UGT1A4: variants seen among roughly 807,000 people sequenced by gnomAD.
The protein encoded by UGT1A4 is UDP glucuronosyltransferase family 1 member A4.
A neutral mutation model predicts 41.1 loss-of-function variants in UGT1A4; 32 were observed. The ratio of observed to expected loss-of-function variants is 0.78; its 90% CI spans 0.59 to 1.05. UGT1A4 has a LOEUF of 1.05. Ranked by LOEUF, UGT1A4 falls within the 50% of genes least tolerant of loss-of-function variation. UGT1A4 has a pLI of 0.00. For missense variants in UGT1A4, 748 were observed against 677.4 expected, an observed-to-expected ratio of 1.10 and a Z score of -1.16; for synonymous variants, 283 against 265.1, an observed-to-expected ratio of 1.07 and a Z score of -0.66.
intron 1 of UGT1A4, among the ~76,000 whole-genome samples, chr2:233,733,511 G>A (rs181008705): frequency 9.2e-5 from 14 of 152,226 alleles, no homozygotes; most frequent in Admixed American, 6.5e-4. Context: ...CCAGTTTTAG[G>A]CATGAAGGGA....
chr2:233,729,918 C>T (rs748265194), intron 1 of UGT1A4: 1 of 1,613,918 alleles, frequency 6.2e-7, no homozygotes, highest in African/African-American at 1.3e-5. Context: ...TTGTGATGGA[C>T]TACCCCAGGC....
chr2:233,721,336 T>C (rs1211352998), intron 1 of UGT1A4, among the ~76,000 whole-genome samples: 1 of 152,216 alleles, frequency 6.6e-6, no homozygotes, highest in African/African-American at 2.4e-5. Context: ...TTTTTCACTA[T>C]GAATATATTC....
chr2:233,731,651 A>G (rs190900877), intron 1 of UGT1A4, among the ~76,000 whole-genome samples: 118 of 152,290 alleles, frequency 7.7e-4, no homozygotes, highest in Admixed American at 1.5e-3. Context: ...TCCATGGTGT[A>G]TATGTGCCAC....
chr2:233,769,313 C>G lies in UGT1A4; in HGVS notation c.1307+874C>G, dbSNP rs1699834198. 6.6e-6 allele frequency among the ~76,000 whole-genome samples: 1 copy of G among 152,226 alleles called. No homozygotes were observed. Among genetic ancestry groups the G allele is most frequent in the Admixed American group, 6.5e-5 (1 of 15,282 alleles). ...TTAAAGTTAGTATATTACTGTCAAG[C>G]TCACTGGTAATAGGCTTATTAGAAC... is the stretch of plus-strand genomic sequence containing the variant. On this transcript the variant is annotated intron_variant, in intron 4 of 4. Coordinates refer to ENST00000373409, the MANE Select transcript of UGT1A4 (RefSeq NM_007120.3). This position sits in a 1 kb window ranked among gnomAD's most constrained non-coding sequence, Gnocchi z 4.4.
In UGT1A4 at chr2:233,769,728, G is replaced by A. The variant is rs1027354407; in HGVS notation, c.1307+1289G>A. The stretch of plus-strand genomic sequence containing the variant: ...ATGTTGGCTAGGCACCATGGCACAC[G>A]CCTGTAGTCCCAGCCACTCTGGAGG... On this transcript the variant is annotated intron_variant, in intron 4 of 4. Coordinates refer to ENST00000373409, the MANE Select transcript of UGT1A4 (RefSeq NM_007120.3). This position sits in a 1 kb window ranked among gnomAD's most constrained non-coding sequence, Gnocchi z 4.4. The A allele has an allele frequency of 4.6e-5, 67 of 1,472,430 alleles. No homozygotes were observed. The highest frequency in any genetic ancestry group is 5.8e-5 in the Non-Finnish European group (64 of 1,110,636). 91.2% of individuals were successfully genotyped at this position (1,472,430 alleles called of 1,614,324 possible). A position where few individuals can be genotyped will look rare whatever the true frequency, so the allele number is the denominator to read the frequency against.
At chr2:233,757,778 T>A (rs1328848691) in intron 1 of UGT1A4, among the ~76,000 whole-genome samples, 1 of 151,774 alleles carries the variant, frequency 6.6e-6, no homozygotes, top group African/African-American at 2.4e-5. Flanking sequence ...AATAAGCCTG[T>A]CATTCTGATT....
chr2:233,744,268 G>A (rs975143580), intron 1 of UGT1A4, among the ~76,000 whole-genome samples: 1 of 151,806 alleles, frequency 6.6e-6, no homozygotes, highest in Non-Finnish European at 1.5e-5. Context: ...TTTTCTTAAA[G>A]TAGGCTTTAT....
chr2:233,726,709 GA>G (rs2077554030), intron 1 of UGT1A4, among the ~76,000 whole-genome samples: 1 of 152,172 alleles, frequency 6.6e-6, no homozygotes, highest in African/African-American at 2.4e-5. Flanking sequence ...TCCCAGGTTT[GA>G]GGAAGTACAA....
At chr2:233,759,897 C>T (rs1697281775) in intron 1 of UGT1A4, among the ~76,000 whole-genome samples, 1 of 152,134 alleles carries the variant, frequency 6.6e-6, no homozygotes, top group Non-Finnish European at 1.5e-5. Flanking sequence ...TTCTAAAAGG[C>T]TTTCTAAAAA....
chr2:233,747,886 A>G, intron 1 of UGT1A4: 2 of 1,613,554 alleles, frequency 1.2e-6, no homozygotes, highest in South Asian at 1.1e-5. Flanking sequence ...TACCTTTGCC[A>G]TGCTCTTTCT....
intron 1 of UGT1A4, chr2:233,747,309 G>A: frequency 7.5e-6 from 12 of 1,603,078 alleles, no homozygotes; most frequent in Non-Finnish European, 1.0e-5. Context: ...GGAAGGTGCT[G>A]GTGGTACCCA....
intron 1 of UGT1A4, among the ~76,000 whole-genome samples, chr2:233,739,592 T>C (rs1481710171): frequency 2.0e-5 from 3 of 152,236 alleles, no homozygotes; most frequent in South Asian, 2.1e-4. Flanking sequence ...ATGGGGCCTA[T>C]AGCCCCTTTG....
chr2:233,729,041 C>G, intron 1 of UGT1A4: 1 of 1,605,398 alleles, frequency 6.2e-7, no homozygotes, highest in East Asian at 2.2e-5. Context: ...CTAAGTGGCT[C>G]AGTGACAAGG....
intron 1 of UGT1A4, among the ~76,000 whole-genome samples, chr2:233,735,302 G>A (rs1400766071): frequency 6.6e-6 from 1 of 151,808 alleles, no homozygotes; most frequent in Non-Finnish European, 1.5e-5. Flanking sequence ...TTTTGTTAAA[G>A]TCTGTTTTAT....
At position 233,734,224 on chromosome 2, in the gene UGT1A4, G is replaced by T. The variant is rs1427177623; in HGVS notation, c.867+14537G>T. ...AGAGCCTGTTGTTGGTCTATTCAGAGATTCAACTTCTTCCTGCTTTAGTCT... is the reference window on the plus strand; with the variant it reads ...AGAGCCTGTTGTTGGTCTATTCAGATATTCAACTTCTTCCTGCTTTAGTCT... On this transcript the variant is annotated intron_variant, in intron 1 of 4. Coordinates refer to ENST00000373409, the MANE Select transcript of UGT1A4 (RefSeq NM_007120.3). 2.6e-5 allele frequency among the ~76,000 whole-genome samples: 4 copies of T among 152,156 alleles called. No individual in the cohort carries two copies. The East Asian group carries it at 5.8e-4, about 22-fold the overall frequency.
intron 1 of UGT1A4, chr2:233,741,903 G>C (rs984668185): frequency 2.0e-5 from 3 of 151,860 alleles, no homozygotes; most frequent in Non-Finnish European, 4.4e-5. Context: ...GACCCTTTGT[G>C]ATGGAAAAGG....
chr2:233,770,944 A>T (rs905927558), intron 4 of UGT1A4: 3 of 152,138 alleles, frequency 2.0e-5, no homozygotes, highest in Non-Finnish European at 4.4e-5. Context: ...TGCCGGGGGA[A>T]CCTCAGGGAG....
chr2:233,753,588 C>T (rs1263475788), intron 1 of UGT1A4: 2 of 152,166 alleles, frequency 1.3e-5, no homozygotes, highest in African/African-American at 4.8e-5. Flanking sequence ...TGGACTACCC[C>T]AAGGCAATAT....
intron 1 of UGT1A4, chr2:233,752,385 C>T (rs1023364078): frequency 4.6e-5 from 7 of 152,142 alleles, no homozygotes. Context: ...ATCTTTGCAA[C>T]AGAGGAAATG....
Sources: gnomAD v4.1 joint callset for allele counts (sites outside exome capture counted in the v4.1 genomes callset) on GRCh38, gnomAD v4.1.1 for gene constraint, Gnocchi (gnomAD v3.1) non-coding constraint, MANE v1.5 for transcripts, NCBI Gene and HGNC (gene_info 2026-07-23, HGNC 2026-07-21) for gene names.